The following PTPRN2 variants were observed in gnomAD, a reference collection of about 807,000 sequenced individuals.
The protein encoded by PTPRN2 is receptor-type tyrosine-protein phosphatase N2.
A neutral mutation model predicts 118.8 loss-of-function variants in PTPRN2; 74 were observed. That is an observed-to-expected ratio of 0.62 (90% CI 0.52 to 0.76). The LOEUF is 0.76. Among genes scored for constraint, PTPRN2 ranks in the 30% least tolerant of loss-of-function variants. The pLI, the probability that PTPRN2 is intolerant of heterozygous loss-of-function variation, is 0.00. For missense variants in PTPRN2, 1,481 were observed against 1,394.4 expected (o/e 1.06, Z -0.99); for synonymous variants, 641 against 608.0 (o/e 1.05, Z -0.80).
At chr7:157,686,827 G>C (rs943873782) in intron 12 of PTPRN2, among the ~76,000 whole-genome samples, 1 of 152,248 alleles carries the variant, frequency 6.6e-6, no homozygotes, top group Non-Finnish European at 1.5e-5. Context: ...CGTCCCGGGT[G>C]GGGGAGATGC....
chr7:157,971,675 A>AT (rs1802343398), intron 11 of PTPRN2, among the ~76,000 whole-genome samples: 3 of 152,144 alleles, frequency 2.0e-5, no homozygotes, highest in African/African-American at 7.2e-5. Context: ...TCCCAAGCCA[A>AT]TAAAAAAAAA....
At chr7:157,556,596 C>G (rs1798897872) in intron 21 of PTPRN2, among the ~76,000 whole-genome samples, 1 of 151,500 alleles carries the variant, frequency 6.6e-6, no homozygotes, top group African/African-American at 2.4e-5. Context: ...TGCACACATC[C>G]AAACACACAC....
In PTPRN2 at chr7:158,525,814, C is replaced by G. The variant is rs890577153; in HGVS notation, c.113-36029G>C. Among the ~76,000 whole-genome samples, 7 of 152,172 alleles carry G rather than the reference C, an allele frequency of 4.6e-5. No homozygotes were observed. Among genetic ancestry groups the G allele is most frequent in the Non-Finnish European group, 1.0e-4 (7 of 68,032 alleles). ...GCCACCTCTCTCTGCTGTGCTCACA[C>G]AGTGTGGAAGCTCCCGCTTCAGCAA... is the stretch of plus-strand genomic sequence containing the variant. On this transcript the variant is annotated intron_variant, in intron 1 of 22. Coordinates refer to ENST00000389418, the MANE Select transcript of PTPRN2 (RefSeq NM_002847.5). The surrounding 1 kb of genome is among the most constrained non-coding windows in gnomAD (Gnocchi z 4.1).
At chr7:158,316,669 T>G (rs1001303253) in intron 3 of PTPRN2, 150 bp downstream of exon 3, 1 of 609,044 alleles carries the variant, frequency 1.6e-6, no homozygotes, top group African/African-American at 1.9e-5. Context: ...GAAGCACCCA[T>G]GAGCCCAGCG....
intron 14 of PTPRN2, among the ~76,000 whole-genome samples, chr7:157,641,037 G>A (rs1003143887): frequency 6.6e-6 from 1 of 152,172 alleles, no homozygotes; most frequent in Non-Finnish European, 1.5e-5. Context: ...TAAAACAAAC[G>A]GTTGATTTCA....
intron 3 of PTPRN2, among the ~76,000 whole-genome samples, chr7:158,266,658 G>A (rs890397418): frequency 2.2e-4 from 33 of 152,154 alleles, no homozygotes; most frequent in African/African-American, 3.1e-4. Flanking sequence ...CAGGCACAAC[G>A]GCCACTTCCC....
chr7:158,465,981 T>C (rs955407905), intron 2 of PTPRN2, among the ~76,000 whole-genome samples: 2 of 152,200 alleles, frequency 1.3e-5, no homozygotes, highest in Admixed American at 1.3e-4. Context: ...CACACCCCAC[T>C]TCCTGTTGCA....
At chr7:157,900,221 C>T (rs1584980102) in intron 11 of PTPRN2, among the ~76,000 whole-genome samples, 2 of 152,178 alleles carry the variant, frequency 1.3e-5, no homozygotes, top group South Asian at 4.1e-4. Flanking sequence ...GCTCGGCAGG[C>T]CCACGGCTCT....
At chr7:157,716,728 G>A (rs1439317449) in intron 12 of PTPRN2, among the ~76,000 whole-genome samples, 1 of 48,496 alleles carries the variant, frequency 2.1e-5, no homozygotes, top group Non-Finnish European at 3.6e-5. Flanking sequence ...GCCTGGCCAC[G>A]TAGACTCTGC....
chr7:158,313,516 C>T (rs1017271562), intron 3 of PTPRN2, among the ~76,000 whole-genome samples: 5 of 152,294 alleles, frequency 3.3e-5, no homozygotes, highest in Admixed American at 6.5e-5. Context: ...TCAGCCAGGG[C>T]CTGAGCAAGA....
intron 10 of PTPRN2, among the ~76,000 whole-genome samples, chr7:158,091,881 A>ATGG (rs1814184474): frequency 7.2e-4 from 6 of 8,336 alleles, no homozygotes; most frequent in Admixed American, 1.9e-3. Flanking sequence ...TGGGTGGGTG[A>ATGG]GTGAGGGATA....
intron 11 of PTPRN2, among the ~76,000 whole-genome samples, chr7:157,984,000 C>T (rs558313769): frequency 6.6e-6 from 1 of 152,148 alleles, no homozygotes; most frequent in African/African-American, 2.4e-5. Context: ...GCATCTCTTC[C>T]TGACTCGCAG....
intron 11 of PTPRN2, among the ~76,000 whole-genome samples, chr7:158,008,407 G>C (rs562835340): frequency 6.6e-6 from 1 of 152,336 alleles, no homozygotes; most frequent in Non-Finnish European, 1.5e-5. Context: ...GGGGCTCCCC[G>C]CCAGGTCTGT....
intron 12 of PTPRN2, among the ~76,000 whole-genome samples, chr7:157,802,117 G>A (rs1157566969): frequency 6.6e-6 from 1 of 152,186 alleles, no homozygotes; most frequent in Non-Finnish European, 1.5e-5. Flanking sequence ...GAGGCCCACC[G>A]TGTTGACACT....
In PTPRN2 at chr7:158,295,776, C is replaced by T. The variant is rs371987109; in HGVS notation, c.277+21043G>A. Among the ~76,000 whole-genome samples, 13 of 143,230 alleles carry T rather than the reference C, an allele frequency of 9.1e-5. 1 individual carries two copies. In the South Asian group the frequency reaches 2.5e-3, roughly 28 times the overall value. The allele number at this position is 143,230 out of a possible 152,430, so 94.0% of individuals were successfully genotyped here. A position where few individuals can be genotyped will look rare whatever the true frequency, so the allele number is the denominator to read the frequency against. Reference sequence around the variant, plus strand: ...CCCAAACACTGCACCACTCTCCATCCGCACGGTTCACCCGCCTTTCTGAGG... The same window carrying T: ...CCCAAACACTGCACCACTCTCCATCTGCACGGTTCACCCGCCTTTCTGAGG... On this transcript the variant is annotated intron_variant, in intron 3 of 22. Coordinates refer to ENST00000389418, the MANE Select transcript of PTPRN2 (RefSeq NM_002847.5).
chr7:158,171,232 TATATATACAC>T (rs1296759005), intron 5 of PTPRN2, among the ~76,000 whole-genome samples: 1 of 125,042 alleles, frequency 8.0e-6, no homozygotes, highest in East Asian at 2.1e-4. Flanking sequence ...TATACACACA[TATATATACAC>T]ATATATACAC....
chr7:157,572,621 C>T (rs1799810845), intron 19 of PTPRN2, among the ~76,000 whole-genome samples: 1 of 152,332 alleles, frequency 6.6e-6, no homozygotes, highest in South Asian at 2.1e-4. Flanking sequence ...CTCCTCTCTT[C>T]CTATTCCCTG....
chr7:158,236,519 G>T (rs1021399074), intron 3 of PTPRN2, among the ~76,000 whole-genome samples: 13 of 152,176 alleles, frequency 8.5e-5, no homozygotes, highest in Non-Finnish European at 1.9e-4. Context: ...CGTCTGTGGG[G>T]TGGGGGCACA....
intron 2 of PTPRN2, among the ~76,000 whole-genome samples, chr7:158,396,245 A>T (rs1413550273): frequency 6.6e-6 from 1 of 152,098 alleles, no homozygotes. Context: ...GAGCATTTTC[A>T]CACACACACA....
Sources: gnomAD v4.1 joint callset for allele counts (sites outside exome capture counted in the v4.1 genomes callset) on GRCh38, gnomAD v4.1.1 for gene constraint, Gnocchi (gnomAD v3.1) non-coding constraint, MANE v1.5 for transcripts, NCBI Gene and HGNC (gene_info 2026-07-23, HGNC 2026-07-21) for gene names.